SEC13: variants seen among roughly 807,000 people sequenced by gnomAD.
SEC13 encodes SEC13 homolog, nuclear pore and COPII component.
Under a neutral mutation model 49.2 loss-of-function variants are expected in SEC13, and 25 were observed. That is an observed-to-expected ratio of 0.51 (90% CI 0.37 to 0.71). The LOEUF is 0.71. Among genes scored for constraint, SEC13 ranks in the 30% least tolerant of loss-of-function variants. SEC13 has a pLI of 0.00. For missense variants in SEC13, 383 were observed against 417.6 expected (o/e 0.92, Z 0.72); for synonymous variants, 148 against 163.9 (o/e 0.90, Z 0.74).
At chr3:10,318,498 GA>G (rs1311500115) in intron 1 of SEC13, among the ~76,000 whole-genome samples, 2 of 151,852 alleles carry the variant, frequency 1.3e-5, no homozygotes, top group South Asian at 4.2e-4. Context: ...AGGTCTGAGA[GA>G]GCCTGATGTG....
At chr3:10,311,098 G>A (rs537324300) in intron 5 of SEC13, among the ~76,000 whole-genome samples, 1 of 151,686 alleles carries the variant, frequency 6.6e-6, no homozygotes, top group Admixed American at 6.6e-5. Context: ...CCCTGTGTCT[G>A]CGTGGGCTCT....
chr3:10,320,639 C>G, intron 1 of SEC13: 1 of 1,015,702 alleles, frequency 9.8e-7, no homozygotes, highest in Non-Finnish European at 1.2e-6. Flanking sequence ...AGAGGCTCCA[C>G]GTCTCCGAAC....
At chr3:10,306,188 A>AT (rs1158783307) in intron 5 of SEC13, among the ~76,000 whole-genome samples, 1 of 152,004 alleles carries the variant, frequency 6.6e-6, no homozygotes. Context: ...TCCATTAAAC[A>AT]TTTTTTTGGA....
intron 3 of SEC13, chr3:10,313,419 G>A (rs1701407907): frequency 1.9e-6 from 1 of 530,220 alleles, no homozygotes; most frequent in Non-Finnish European, 3.9e-6. Flanking sequence ...TTTAGGCAAG[G>A]ATATCTTTGT....
intron 5 of SEC13, among the ~76,000 whole-genome samples, chr3:10,309,573 TTC>T (rs981872078): frequency 1.3e-5 from 2 of 152,214 alleles, no homozygotes; most frequent in African/African-American, 4.8e-5. Flanking sequence ...GTCACCTTAT[TTC>T]TGATTTTTAA....
In SEC13 at chr3:10,303,912, G is replaced by A. The variant is rs776778976; in HGVS notation, c.855+114C>T. ...AGAGGCACACTCAAAACGCAGTCCT[G>A]GCTAAGGCTCCTGCCCAGCCTGCAG... On this transcript the variant is annotated intron_variant, in intron 8 of 8. Transcript: ENST00000350697. The A allele has an allele frequency of 1.8e-5, 21 of 1,172,764 alleles. No individual in the cohort carries two copies. In the Admixed American group the frequency reaches 3.0e-4, roughly 17 times the overall value. The allele number at this position is 1,172,764 out of a possible 1,614,324, so 72.6% of individuals were successfully genotyped here. A position where few individuals can be genotyped will look rare whatever the true frequency, so the allele number is the denominator to read the frequency against.
At position 10,306,460 on chromosome 3, in the gene SEC13, C is replaced by A. The variant is rs573733090; in HGVS notation, c.451-768G>T. 2.6e-5 allele frequency among the ~76,000 whole-genome samples: 4 copies of A among 152,340 alleles called. No homozygotes were observed. The South Asian group carries it at 8.3e-4, about 32-fold the overall frequency. ...CTCTTATATTAACAGCTGTCAATAA[C>A]TCAGGCCTCTCTTAATTCACTGGGG... On this transcript the variant is annotated intron_variant, in intron 5 of 8. Coordinates refer to ENST00000350697, the MANE Select transcript of SEC13 (RefSeq NM_183352.3).
chr3:10,301,193 T>A lies in SEC13; in HGVS notation c.*68A>T, dbSNP rs1160768179. 2 of 1,613,996 alleles carry A rather than the reference T, an allele frequency of 1.2e-6. No homozygotes were observed. Among genetic ancestry groups the A allele is most frequent in the South Asian group, 2.2e-5 (2 of 91,084 alleles). On this transcript the variant is annotated 3_prime_UTR_variant, in exon 9 of 9. Coordinates refer to ENST00000350697, the MANE Select transcript of SEC13 (RefSeq NM_183352.3). ...GAGTTGGGGGCTCTTCCCAGTTGTC[T>A]GGTTAGTTGGCCCAGGAAGGGGCAG...
At chr3:10,320,292 A>G (rs2059753377) in intron 1 of SEC13, among the ~76,000 whole-genome samples, 1 of 152,164 alleles carries the variant, frequency 6.6e-6, no homozygotes, top group African/African-American at 2.4e-5. Flanking sequence ...TGCTGCTGAG[A>G]CACACCCATG....
intron 1 of SEC13, chr3:10,320,521 C>T (rs1466712028): frequency 3.0e-6 from 3 of 985,610 alleles, no homozygotes; most frequent in African/African-American, 1.7e-5. Flanking sequence ...GGGGGCCCTA[C>T]CCCGAGCAAC....
intron 2 of SEC13, among the ~76,000 whole-genome samples, chr3:10,316,891 C>G (rs994546749): frequency 6.6e-6 from 1 of 151,472 alleles, no homozygotes; most frequent in African/African-American, 2.4e-5. Context: ...ATCCCAGCTA[C>G]TCGGGAGTCT....
chr3:10,307,065 A>C (rs241504), intron 5 of SEC13, among the ~76,000 whole-genome samples: 13 of 140,888 alleles, frequency 9.2e-5, no homozygotes, highest in Non-Finnish European at 1.6e-4. Flanking sequence ...TTTTTTTTTT[A>C]AAAATTGAGA....
chr3:10,303,139 C>T (rs953091590), intron 8 of SEC13, among the ~76,000 whole-genome samples: 4 of 152,138 alleles, frequency 2.6e-5, no homozygotes, highest in African/African-American at 7.2e-5. Context: ...TTGGTTGTGC[C>T]GTGAGCCACA....
chr3:10,304,464 G>A (rs1180217034), intron 7 of SEC13, among the ~76,000 whole-genome samples: 1 of 152,086 alleles, frequency 6.6e-6, no homozygotes, highest in Non-Finnish European at 1.5e-5. Flanking sequence ...ACTTCCACTG[G>A]CCGTCTATAC....
chr3:10,306,560 T>C (rs1417999589), intron 5 of SEC13, among the ~76,000 whole-genome samples: 1 of 152,218 alleles, frequency 6.6e-6, no homozygotes, highest in Non-Finnish European at 1.5e-5. Context: ...ATAGGGACAC[T>C]TCTTCTCATT....
At chr3:10,306,472 T>G (rs1379254345) in intron 5 of SEC13, among the ~76,000 whole-genome samples, 2 of 152,240 alleles carry the variant, frequency 1.3e-5, no homozygotes, top group East Asian at 3.8e-4. Context: ...CAGGCCTCTC[T>G]TAATTCACTG....
chr3:10,320,717 G>T, intron 1 of SEC13: 1 of 1,189,462 alleles, frequency 8.4e-7, no homozygotes, highest in Non-Finnish European at 1.0e-6. Flanking sequence ...TTAGCAGGCG[G>T]AGATTACGAA....
intron 2 of SEC13, among the ~76,000 whole-genome samples, chr3:10,317,512 G>A (rs1008459586): frequency 2.0e-5 from 3 of 151,892 alleles, no homozygotes; most frequent in African/African-American, 4.8e-5. Context: ...TGAGCCTTGT[G>A]TTTACCTCTC....
At chr3:10,305,209 C>G in intron 6 of SEC13, 53 bp from the exon 7 acceptor site, 1 of 1,555,692 alleles carries the variant, frequency 6.4e-7, no homozygotes, top group South Asian at 1.2e-5. Context: ...CACACCTCAA[C>G]TCCTCCCCAA....
Sources: gnomAD v4.1 joint callset for allele counts (sites outside exome capture counted in the v4.1 genomes callset) on GRCh38, gnomAD v4.1.1 for gene constraint, MANE v1.5 for transcripts, NCBI Gene and HGNC (gene_info 2026-07-23, HGNC 2026-07-21) for gene names.